KALRN: variants seen among roughly 807,000 people sequenced by gnomAD.
The protein encoded by KALRN is kalirin.
In KALRN, 70 loss-of-function variants were observed where a neutral mutation model predicts 353.7. The ratio of observed to expected loss-of-function variants is 0.20; its 90% CI spans 0.16 to 0.24. The LOEUF is 0.24. Ranked by LOEUF, KALRN falls within the 10% of genes least tolerant of loss-of-function variation. The probability of loss-of-function intolerance (pLI) is 1.00; values close to 1 mark genes in which losing one functional copy is unlikely to be tolerated. For missense variants in KALRN, 2,791 were observed against 3,756.7 expected (o/e 0.74, Z 6.72); for synonymous variants, 1,391 against 1,434.8 (o/e 0.97, Z 0.69).
chr3:124,404,818 C>T (rs1257131027), intron 13 of KALRN, among the ~76,000 whole-genome samples: 1 of 152,064 alleles, frequency 6.6e-6, no homozygotes, highest in Non-Finnish European at 1.5e-5. Context: ...AGCCATTAGT[C>T]TGCACAGTCA....
At chr3:124,504,517 C>A (rs1289305404) in intron 33 of KALRN, among the ~76,000 whole-genome samples, 4 of 152,230 alleles carry the variant, frequency 2.6e-5, no homozygotes, top group Non-Finnish European at 4.4e-5. Flanking sequence ...TCCCACTCTG[C>A]CCCAGCAAAT....
chr3:124,467,478 T>C (rs2060458183), intron 25 of KALRN, among the ~76,000 whole-genome samples: 1 of 152,156 alleles, frequency 6.6e-6, no homozygotes, highest in Non-Finnish European at 1.5e-5. Flanking sequence ...AGGAAAGGCC[T>C]CATGGAGAAG....
chr3:124,085,804 T>G (rs775846227), intron 1 of KALRN, among the ~76,000 whole-genome samples: 47 of 152,220 alleles, frequency 3.1e-4, no homozygotes, highest in Non-Finnish European at 6.0e-4. Context: ...TTCTCTACCT[T>G]TCTTCATTCT....
Position 124,408,584 on chromosome 3 carries a change from G to A in KALRN, c.2347-4886G>A, listed in dbSNP as rs115778692. On this transcript the variant is annotated intron_variant, in intron 13 of 59. Coordinates refer to ENST00000682506, the MANE Select transcript of KALRN (RefSeq NM_001388419.1). ...ATAAATGCACAATACAAAGTAAAAT[G>A]TCTTCTTCAATCATACTATCTTCAT... Among the ~76,000 whole-genome samples the A allele has an allele frequency of 8.3e-4, 126 of 152,308 alleles. 1 individual carries two copies. The highest frequency in any genetic ancestry group is 2.9e-3 in the African/African-American group (122 of 41,564).
chr3:124,638,762 G>A (rs2081662475), intron 37 of KALRN, among the ~76,000 whole-genome samples: 2 of 152,170 alleles, frequency 1.3e-5, no homozygotes, highest in African/African-American at 4.8e-5. Flanking sequence ...TCCAATGGGG[G>A]GGTGCCCTCA....
intron 6 of KALRN, among the ~76,000 whole-genome samples, chr3:124,324,429 A>T (rs923297145): frequency 6.6e-6 from 1 of 152,280 alleles, no homozygotes; most frequent in Middle Eastern, 3.4e-3. Context: ...ATAGAGTTTA[A>T]TTTTCAGTAG....
intron 34 of KALRN, among the ~76,000 whole-genome samples, chr3:124,631,854 A>T (rs1192349553): frequency 1.3e-5 from 2 of 152,068 alleles, no homozygotes; most frequent in African/African-American, 4.8e-5. Context: ...TTCCTTTCTT[A>T]CTGATCCCCC....
At chr3:124,050,061 A>G (rs1320187) in intron 1 of KALRN, among the ~76,000 whole-genome samples, 135,889 of 152,148 alleles carry the variant, frequency 0.89, 61,249 homozygotes, top group East Asian at 0.99. Flanking sequence ...TGTTTACATG[A>G]ACTTGTGGTG....
At chr3:124,328,586 C>A (rs1390739464) in intron 7 of KALRN, among the ~76,000 whole-genome samples, 4 of 152,184 alleles carry the variant, frequency 2.6e-5, no homozygotes, top group Non-Finnish European at 4.4e-5. Context: ...ATTATATGAT[C>A]TGATACTCGA....
At chr3:124,645,326 G>A (rs2082568254) in intron 37 of KALRN, among the ~76,000 whole-genome samples, 1 of 152,136 alleles carries the variant, frequency 6.6e-6, no homozygotes, top group African/African-American at 2.4e-5. Context: ...AAGCTCTTTA[G>A]TTTAATTAGA....
chr3:124,523,375 C>A (rs2067318470), intron 33 of KALRN, among the ~76,000 whole-genome samples: 2 of 152,164 alleles, frequency 1.3e-5, no homozygotes, highest in Non-Finnish European at 2.9e-5. Context: ...CGTCCTAGGC[C>A]CTGCATCAGT....
chr3:124,505,998 TG>T (rs2065175602), intron 33 of KALRN, among the ~76,000 whole-genome samples: 1 of 152,136 alleles, frequency 6.6e-6, no homozygotes, highest in Admixed American at 6.5e-5. Flanking sequence ...AAGTGGCAGT[TG>T]GATGATGGGA....
chr3:124,071,567 A>G (rs1301179790), intron 1 of KALRN, among the ~76,000 whole-genome samples: 1 of 152,190 alleles, frequency 6.6e-6, no homozygotes, highest in Non-Finnish European at 1.5e-5. Context: ...TATTGCTCAT[A>G]GTTCTGGAGG....
At chr3:124,304,230 C>T (rs1318933375) in intron 6 of KALRN, among the ~76,000 whole-genome samples, 1 of 151,802 alleles carries the variant, frequency 6.6e-6, no homozygotes, top group African/African-American at 2.4e-5. Context: ...AGACATAGAA[C>T]TTGTTTTAAA....
intron 1 of KALRN, among the ~76,000 whole-genome samples, chr3:124,202,636 C>T (rs1203033180): frequency 6.6e-6 from 1 of 152,082 alleles, no homozygotes; most frequent in Non-Finnish European, 1.5e-5. Context: ...TTTTCCTTCA[C>T]CTTCTGTGGG....
chr3:124,047,618 A>G (rs1170501549), intron 1 of KALRN, among the ~76,000 whole-genome samples: 2 of 149,306 alleles, frequency 1.3e-5, no homozygotes, highest in African/African-American at 2.5e-5. Flanking sequence ...CCAGCCTCCC[A>G]AGTAGCTGCA....
intron 6 of KALRN, among the ~76,000 whole-genome samples, chr3:124,316,018 G>A (rs143879158): frequency 1.1e-4 from 16 of 152,288 alleles, no homozygotes; most frequent in Admixed American, 2.6e-4. Context: ...AACTGAAGAG[G>A]TGTGAGAGGT....
Position 124,667,057 on chromosome 3 carries a change from A to C in KALRN, c.6577A>C (p.Lys2193Gln), listed in dbSNP as rs2085729129. Residue 2193 changes from lysine (K) to glutamine (Q), a missense_variant, in exon 47 of 60, where the codon AAG becomes CAG. By Grantham distance (53) the Lys-to-Gln change is moderately conservative. Coordinates refer to ENST00000682506, the MANE Select transcript of KALRN (RefSeq NM_001388419.1). ...GGAGAATGTGGACAATGATCCCTGC[A>C]AGTTTGCACTCATGAACAGAGAGAC... ...LEENVDNDPC[K>Q]FALMNRETSE... 6.2e-7 allele frequency: 1 copy of C among 1,613,906 alleles called. No individual in the cohort carries two copies. Among genetic ancestry groups the C allele is most frequent in the African/African-American group, 1.3e-5 (1 of 74,932 alleles).
chr3:124,388,106 G>T (rs1202585983), intron 11 of KALRN, among the ~76,000 whole-genome samples: 1 of 152,088 alleles, frequency 6.6e-6, no homozygotes, highest in Non-Finnish European at 1.5e-5. Context: ...GATCTTGGAT[G>T]CCAGGTAGGT....
Sources: gnomAD v4.1 joint callset for allele counts (sites outside exome capture counted in the v4.1 genomes callset) on GRCh38, gnomAD v4.1.1 for gene constraint, MANE v1.5 for transcripts, NCBI Gene and HGNC (gene_info 2026-07-23, HGNC 2026-07-21) for gene names.